UTP3: variants seen among roughly 807,000 people sequenced by gnomAD.
UTP3 encodes the protein UTP3 small subunit processome component.
A neutral mutation model predicts 37.9 loss-of-function variants in UTP3; 19 were observed. That is an observed-to-expected ratio of 0.50 (90% CI 0.35 to 0.74). UTP3 has a LOEUF of 0.74. UTP3 is among the 30% of genes least tolerant of loss of function. The probability of loss-of-function intolerance (pLI) is 0.01; values close to 1 mark genes in which losing one functional copy is unlikely to be tolerated. For missense variants in UTP3, 504 were observed against 570.7 expected (o/e 0.88, Z 1.19); for synonymous variants, 242 against 218.5 (o/e 1.11, Z -0.95).
Position 70,689,365 on chromosome 4 carries a change from A to T in UTP3, c.688A>T (p.Ile230Leu), listed in dbSNP as rs1211352323. 1 of 1,614,170 alleles carries T rather than the reference A, an allele frequency of 6.2e-7. No homozygotes were observed. Among genetic ancestry groups the T allele is most frequent in the Non-Finnish European group, 8.5e-7 (1 of 1,180,024 alleles). ...RKESPELLELIEDLKVKLTEV... is the reference protein window; with the variant it reads ...RKESPELLELLEDLKVKLTEV... ...GGAATCACCAGAACTCTTGGAGCTG[A>T]TAGAAGACCTGAAAGTCAAGTTGAC... The change falls in exon 1 of 1, where the codon ATA (isoleucine) becomes TTA (leucine). Residue 230 changes from isoleucine (I) to leucine (L), a missense_variant. Physicochemically the swap from Ile to Leu is conservative, Grantham distance 5. Coordinates refer to ENST00000254803, the MANE Select transcript of UTP3 (RefSeq NM_020368.3).
At position 70,688,902 on chromosome 4, in the gene UTP3, C is replaced by CGAG. The variant is rs369776055; in HGVS notation, c.242_244dup (p.Glu81dup). The CGAG allele has an allele frequency of 4.7e-4, 765 of 1,611,396 alleles. No homozygotes were observed. Among genetic ancestry groups the CGAG allele is most frequent in the Middle Eastern group, 8.3e-4 (5 of 6,054 alleles). On this transcript the variant is annotated inframe_insertion, in exon 1 of 1. Transcript: ENST00000254803. ...TACAGAGTGGAGACGAGGAGGATGGCGAGGAGGAGGAGGAGGAGGTGCTAG... is the reference window on the plus strand; with the variant it reads ...TACAGAGTGGAGACGAGGAGGATGGCGAGGAGGAGGAGGAGGAGGAGGTGCTAG...
rs762057419 is a variant in UTP3, at chr4:70,690,000, A to G, written c.1323A>G (p.Arg441=). 1 of 1,614,210 alleles carries G rather than the reference A, an allele frequency of 6.2e-7. No individual in the cohort carries two copies. The highest frequency in any genetic ancestry group is 1.1e-5 in the South Asian group (1 of 91,084). ...GAGTGAAACACAGAGAGAAGTTCAGAAGAGCCAAAATTAGAAGAAGAGGCC... is the reference window on the plus strand; with the variant it reads ...GAGTGAAACACAGAGAGAAGTTCAGGAGAGCCAAAATTAGAAGAAGAGGCC... ...NPRVKHREKF[R]RAKIRRRGQV... The change falls in exon 1 of 1, where the codon AGA becomes AGG. Residue 441 remains arginine, a synonymous_variant. Transcript: ENST00000254803.
In UTP3 at chr4:70,690,344, T is replaced by C. The variant is rs1177786843; in HGVS notation, c.*227T>C. On this transcript the variant is annotated 3_prime_UTR_variant, in exon 1 of 1. Coordinates refer to ENST00000254803, the MANE Select transcript of UTP3 (RefSeq NM_020368.3). The stretch of plus-strand genomic sequence containing the variant: ...CCAATATTCTGTTGAAGTTTTCCAA[T>C]ATTAAGTATTAGCTTAGGGAAATTT... The C allele has an allele frequency of 1.4e-5, 5 of 352,616 alleles. No homozygotes were observed. The highest frequency in any genetic ancestry group is 2.5e-5 in the Non-Finnish European group (5 of 196,600). 21.8% of individuals were successfully genotyped at this position (352,616 alleles called of 1,614,324 possible).
chr4:70,689,632 T>G lies in UTP3; in HGVS notation c.955T>G (p.Ser319Ala), dbSNP rs762720778. The part of the protein sequence containing the change: ...NKLSVVDQKL[S>A]SEIRHLLTLK... ...GCTGTCCGTTGTGGATCAGAAGCTG[T>G]CCTCAGAAATTCGTCATCTGTTGAC... Residue 319 changes from serine to alanine, a missense_variant, in exon 1 of 1, where the codon TCC (serine) becomes GCC (alanine). Transcript: ENST00000254803. The G allele has an allele frequency of 6.2e-7, 1 of 1,614,196 alleles. No individual in the cohort carries two copies. Among genetic ancestry groups the G allele is most frequent in the Non-Finnish European group, 8.5e-7 (1 of 1,180,024 alleles).
Position 70,688,581 on chromosome 4 carries a change from TGTTTAGAGCCACGA to T in UTP3, c.-93_-80del. The T allele has an allele frequency of 3.9e-6, 5 of 1,273,414 alleles. No individual in the cohort carries two copies. Among genetic ancestry groups the T allele is most frequent in the Non-Finnish European group, 5.4e-6 (5 of 933,658 alleles). 78.9% of individuals were successfully genotyped at this position (1,273,414 alleles called of 1,614,324 possible). ...CTCCGGTGGTAGGGGAGCGCGCTGC[TGTTTAGAGCCACGA>T]GTTACCGGAGCGCCTGATTCCTGCG... On this transcript the variant is annotated 5_prime_UTR_variant, in exon 1 of 1. Transcript: ENST00000254803.
chr4:70,690,299 A>G lies in UTP3; in HGVS notation c.*182A>G, dbSNP rs755199785. ...GAGCAATATGAAGGTGCTTGAGAAA[A>G]GAGATGATGTTGAAGTTTTCCAATA... On this transcript the variant is annotated 3_prime_UTR_variant, in exon 1 of 1. Transcript: ENST00000254803. The G allele has an allele frequency of 1.3e-5, 7 of 550,010 alleles. No individual in the cohort carries two copies. Among genetic ancestry groups the G allele is most frequent in the Non-Finnish European group, 2.0e-5 (7 of 354,326 alleles). The allele number at this position is 550,010 out of a possible 1,614,324, so 34.1% of individuals were successfully genotyped here.
chr4:70,688,973 G>GGGAGGA lies in UTP3; in HGVS notation c.310_315dup (p.Glu104_Glu105dup), dbSNP rs61104402. 3.8e-6 allele frequency: 6 copies of GGGAGGA among 1,599,950 alleles called. No individual in the cohort carries two copies. Among genetic ancestry groups the GGGAGGA allele is most frequent in the Non-Finnish European group, 5.1e-6 (6 of 1,171,766 alleles). On this transcript the variant is annotated inframe_insertion, in exon 1 of 1. Transcript: ENST00000254803. Reference sequence around the variant, plus strand: ...GACGACGAAGATGGAGGGAATGCGGGGGAGGAGGAGGAGGAGGAGAATGCC... The same window carrying GGGAGGA: ...GACGACGAAGATGGAGGGAATGCGGGGGAGGAGGAGGAGGAGGAGGAGGAGAATGCC...
Position 70,688,615 on chromosome 4 carries a change from C to G in UTP3, c.-63C>G. 1 of 1,509,298 alleles carries G rather than the reference C, an allele frequency of 6.6e-7. No homozygotes were observed. The highest frequency in any genetic ancestry group is 8.9e-7 in the Non-Finnish European group (1 of 1,123,262). The allele number at this position is 1,509,298 out of a possible 1,614,324, so 93.5% of individuals were successfully genotyped here. ...CCACGAGTTACCGGAGCGCCTGATT[C>G]CTGCGCCGAAGTCAGTGGTGGCCGA... On this transcript the variant is annotated 5_prime_UTR_variant, in exon 1 of 1. Coordinates refer to ENST00000254803, the MANE Select transcript of UTP3 (RefSeq NM_020368.3).
Position 70,689,723 on chromosome 4 carries a change from A to C in UTP3, c.1046A>C (p.Lys349Thr). The C allele has an allele frequency of 6.2e-7, 1 of 1,614,228 alleles. No individual in the cohort carries two copies. Among genetic ancestry groups the C allele is most frequent in the Non-Finnish European group, 8.5e-7 (1 of 1,180,028 alleles). ...GCAAAATCCACCAAGCCCAAACCAA[A>C]GTCTGTTTCAAAGACTTCTGCTGCT... ...PKAKSTKPKP[K>T]SVSKTSAAAC... Residue 349 changes from lysine to threonine, a missense_variant, in exon 1 of 1, where the codon AAG becomes ACG. By Grantham distance (78) the Lys-to-Thr change is moderately conservative (BLOSUM62 -1). Transcript: ENST00000254803.
chr4:70,689,132 A>G lies in UTP3; in HGVS notation c.455A>G (p.Gln152Arg), dbSNP rs770905677. ...AAGTCCCGAGGCCGGCAGAGTCAAC[A>G]GGAGGCAGAGGAGGAGGAAAGAGAG... ...GSKSRGRQSQ[Q>R]EAEEEEREEE... The change falls in exon 1 of 1, where the codon CAG (glutamine) becomes CGG (arginine). Residue 152 changes from glutamine to arginine, a missense_variant. By Grantham distance (43) the Gln-to-Arg change is conservative (BLOSUM62 1). Coordinates refer to ENST00000254803, the MANE Select transcript of UTP3 (RefSeq NM_020368.3). 1 of 1,613,844 alleles carries G rather than the reference A, an allele frequency of 6.2e-7. No homozygotes were observed. Among genetic ancestry groups the G allele is most frequent in the South Asian group, 1.1e-5 (1 of 91,042 alleles).
chr4:70,689,810 A>T lies in UTP3; in HGVS notation c.1133A>T (p.Tyr378Phe). The change falls in exon 1 of 1, where the codon TAC becomes TTC. Residue 378 changes from tyrosine (Y) to phenylalanine (F), a missense_variant. Transcript: ENST00000254803. ...TTTGATGAAAAAGCAAAACTGAAGT[A>T]CTATAAAGAAATAGAAGACAGGCAA... ...SDFDEKAKLK[Y>F]YKEIEDRQKL... 1 of 1,613,650 alleles carries T rather than the reference A, an allele frequency of 6.2e-7. No homozygotes were observed. Among genetic ancestry groups the T allele is most frequent in the Non-Finnish European group, 8.5e-7 (1 of 1,179,938 alleles).
Position 70,689,514 on chromosome 4 carries a change from C to G in UTP3, c.837C>G (p.Ile279Met). The G allele has an allele frequency of 6.2e-7, 1 of 1,614,182 alleles. No homozygotes were observed. The highest frequency in any genetic ancestry group is 1.1e-5 in the South Asian group (1 of 91,088). Residue 279 changes from isoleucine (I) to methionine (M), a missense_variant, in exon 1 of 1, where the codon ATC (isoleucine) becomes ATG (methionine). Coordinates refer to ENST00000254803, the MANE Select transcript of UTP3 (RefSeq NM_020368.3). ...YNLYLNYCSN[I>M]SFYLILKARR... ...TCTACTTGAATTATTGCTCGAACATCAGTTTTTATTTGATCCTGAAAGCTA... is the reference window on the plus strand; with the variant it reads ...TCTACTTGAATTATTGCTCGAACATGAGTTTTTATTTGATCCTGAAAGCTA...
rs200884643 is a variant in UTP3, at chr4:70,688,739, G to T, written c.62G>T (p.Gly21Val). ...AKWAAVRAKA[G>V]PTLTDENGDD... ...TGGGCAGCTGTGCGAGCCAAGGCAGGTCCCACGCTCACCGACGAAAATGGA... is the reference window on the plus strand; with the variant it reads ...TGGGCAGCTGTGCGAGCCAAGGCAGTTCCCACGCTCACCGACGAAAATGGA... Residue 21 changes from glycine to valine, a missense_variant, in exon 1 of 1, where the codon GGT becomes GTT. Gly to Val is a moderately radical substitution (Grantham distance 109, BLOSUM62 -3). Coordinates refer to ENST00000254803, the MANE Select transcript of UTP3 (RefSeq NM_020368.3). 1.2e-6 allele frequency: 2 copies of T among 1,614,124 alleles called. No homozygotes were observed. Among genetic ancestry groups the T allele is most frequent in the Non-Finnish European group, 1.7e-6 (2 of 1,180,030 alleles).
In UTP3 at chr4:70,689,223, T is replaced by C; in HGVS notation, c.546T>C (p.Gly182=). The change falls in exon 1 of 1, where the codon GGT becomes GGC. Residue 182 remains glycine (G), a synonymous_variant. Coordinates refer to ENST00000254803, the MANE Select transcript of UTP3 (RefSeq NM_020368.3). ...LAQALQEDDF[G]VAWVEAFAKP... is the part of the protein sequence containing the mutation. The stretch of plus-strand genomic sequence containing the variant: ...AAGCGCTGCAAGAGGATGATTTTGG[T>C]GTCGCCTGGGTTGAGGCCTTTGCAA... The C allele has an allele frequency of 6.2e-7, 1 of 1,614,094 alleles. No individual in the cohort carries two copies.
At position 70,689,450 on chromosome 4, in the gene UTP3, C is replaced by T. The variant is rs1295653278; in HGVS notation, c.773C>T (p.Pro258Leu). The stretch of plus-strand genomic sequence containing the variant: ...TTGGTGGAACAAGGGATCATTCCAC[C>T]CGGAAAAGGAAGCCAATACTTGAGG... ...LELVEQGIIPPGKGSQYLRTK... is the reference protein window; with the variant it reads ...LELVEQGIIPLGKGSQYLRTK... The change falls in exon 1 of 1, where the codon CCC (proline) becomes CTC (leucine). Residue 258 changes from proline (P) to leucine (L), a missense_variant. By Grantham distance (98) the Pro-to-Leu change is moderately conservative. Coordinates refer to ENST00000254803, the MANE Select transcript of UTP3 (RefSeq NM_020368.3). 1 of 1,614,130 alleles carries T rather than the reference C, an allele frequency of 6.2e-7. No homozygotes were observed.
In UTP3 at chr4:70,689,958, G is replaced by A; in HGVS notation, c.1281G>A (p.Lys427=). ...KNRGLTPRRK[K]IDRNPRVKHR... is the part of the protein sequence containing the mutation. ...GGGGACTTACTCCTAGGAGAAAGAA[G>A]ATTGATCGCAATCCCAGAGTGAAAC... The change falls in exon 1 of 1, where the codon AAG becomes AAA. Residue 427 remains lysine (K), a synonymous_variant. Coordinates refer to ENST00000254803, the MANE Select transcript of UTP3 (RefSeq NM_020368.3). 1 of 1,614,120 alleles carries A rather than the reference G, an allele frequency of 6.2e-7. No individual in the cohort carries two copies. Among genetic ancestry groups the A allele is most frequent in the Non-Finnish European group, 8.5e-7 (1 of 1,180,032 alleles).
chr4:70,689,427 G>T lies in UTP3; in HGVS notation c.750G>T (p.Leu250Phe), dbSNP rs749514015. The T allele has an allele frequency of 1.2e-6, 2 of 1,614,004 alleles. No individual in the cohort carries two copies. The change falls in exon 1 of 1, where the codon TTG becomes TTT. Residue 250 changes from leucine (L) to phenylalanine (F), a missense_variant. Physicochemically the swap from Leu to Phe is conservative, Grantham distance 22. Transcript: ENST00000254803. ...VKDELEPLLE[L>F]VEQGIIPPGK... ...ATGAGCTGGAGCCATTGTTAGAGTT[G>T]GTGGAACAAGGGATCATTCCACCCG... is the stretch of plus-strand genomic sequence containing the variant.
Position 70,688,852 on chromosome 4 carries a change from G to A in UTP3, c.175G>A (p.Ala59Thr), listed in dbSNP as rs1739561910. 2 of 1,614,038 alleles carry A rather than the reference G, an allele frequency of 1.2e-6. No homozygotes were observed. Among genetic ancestry groups the A allele is most frequent in the Admixed American group, 3.3e-5 (2 of 59,984 alleles). Reference sequence around the variant, plus strand: ...CTTTCATGAGGCACGATCCCGGGCCGCCTTAGCTAAGGGCTGGAATGAAGT... The same window carrying A: ...CTTTCATGAGGCACGATCCCGGGCCACCTTAGCTAAGGGCTGGAATGAAGT... ...DDFHEARSRA[A>T]LAKGWNEVQS... The change falls in exon 1 of 1, where the codon GCC (alanine) becomes ACC (threonine). Residue 59 changes from alanine to threonine, a missense_variant. Transcript: ENST00000254803.
chr4:70,688,602 G>A lies in UTP3; in HGVS notation c.-76G>A, dbSNP rs1055558211. ...CTGCTGTTTAGAGCCACGAGTTACCGGAGCGCCTGATTCCTGCGCCGAAGT... is the reference window on the plus strand; with the variant it reads ...CTGCTGTTTAGAGCCACGAGTTACCAGAGCGCCTGATTCCTGCGCCGAAGT... On this transcript the variant is annotated 5_prime_UTR_variant, in exon 1 of 1. Coordinates refer to ENST00000254803, the MANE Select transcript of UTP3 (RefSeq NM_020368.3). 5.5e-6 allele frequency: 8 copies of A among 1,455,468 alleles called. No homozygotes were observed. The highest frequency in any genetic ancestry group is 7.4e-6 in the Non-Finnish European group (8 of 1,083,534). The allele number at this position is 1,455,468 out of a possible 1,614,324, so 90.2% of individuals were successfully genotyped here. A position where few individuals can be genotyped will look rare whatever the true frequency, so the allele number is the denominator to read the frequency against.
Sources: allele counts gnomAD v4.1 joint callset, GRCh38; gene constraint gnomAD v4.1.1; transcripts MANE v1.5; gene names NCBI Gene and HGNC (gene_info 2026-07-23, HGNC 2026-07-21).